RBFOX1: variants seen among roughly 807,000 people sequenced by gnomAD.
RBFOX1 encodes the protein RNA binding fox-1 homolog 1.
A neutral mutation model predicts 57.7 loss-of-function variants in RBFOX1; 8 were observed. The ratio of observed to expected loss-of-function variants is 0.14; its 90% CI spans 0.08 to 0.25. The LOEUF (loss-of-function observed/expected upper bound fraction) is 0.25, where lower values mean the gene tolerates loss of function less well. RBFOX1 is among the 10% of genes least tolerant of loss of function. The pLI, the probability that RBFOX1 is intolerant of heterozygous loss-of-function variation, is 1.00. For missense variants in RBFOX1, 611 were observed against 548.5 expected, an observed-to-expected ratio of 1.11 and a Z score of -1.14; for synonymous variants, 326 against 222.4, an observed-to-expected ratio of 1.47 and a Z score of -4.15.
intron 3 of RBFOX1, among the ~76,000 whole-genome samples, chr16:6,989,520 A>C (rs981235273): frequency 3.3e-5 from 5 of 152,210 alleles, no homozygotes; most frequent in Admixed American, 6.5e-5. Context: ...CTGATTTATT[A>C]GTTGCCTATC....
intron 3 of RBFOX1, among the ~76,000 whole-genome samples, chr16:6,955,815 C>T (rs528926148): frequency 1.3e-5 from 2 of 152,138 alleles, no homozygotes; most frequent in East Asian, 1.9e-4. Flanking sequence ...AAGTGATTCT[C>T]CTGCCTCAGC....
chr16:7,609,803 T>TTTTGTTTGTTTG lies in RBFOX1; in HGVS notation c.676+2485_676+2496dup, dbSNP rs138776547. Among the ~76,000 whole-genome samples, 150 of 150,170 alleles carry TTTTGTTTGTTTG rather than the reference T, an allele frequency of 1.0e-3. 2 individuals are homozygous for TTTTGTTTGTTTG. Among genetic ancestry groups the TTTTGTTTGTTTG allele is most frequent in the African/African-American group, 3.6e-3 (147 of 40,570 alleles). ...TTACAACCAGTTGATACTGGTGGGG[T>TTTTGTTTGTTTG]TTTGTTTGTTTGTTTGTTTGTTTGT... On this transcript the variant is annotated intron_variant, in intron 10 of 15. Coordinates refer to ENST00000550418, the MANE Select transcript of RBFOX1 (RefSeq NM_018723.4).
chr16:6,425,718 C>A (rs540649467), intron 2 of RBFOX1, among the ~76,000 whole-genome samples: 1 of 152,128 alleles, frequency 6.6e-6, no homozygotes, highest in Admixed American at 6.5e-5. Context: ...AATTCATACA[C>A]ACACACACAC....
chr16:7,396,201 C>G (rs915630466), intron 4 of RBFOX1, among the ~76,000 whole-genome samples: 2 of 152,116 alleles, frequency 1.3e-5, no homozygotes, highest in South Asian at 4.1e-4. Flanking sequence ...TAGCAACCCT[C>G]TGCTGTGTCT....
intron 3 of RBFOX1, among the ~76,000 whole-genome samples, chr16:7,007,877 C>A (rs1231305089): frequency 6.6e-6 from 1 of 152,194 alleles, no homozygotes; most frequent in South Asian, 2.1e-4. Flanking sequence ...TCAACATGGA[C>A]TTGTAAGAAC....
chr16:5,971,172 GA>G (rs2059954452), intron 4 of RBFOX1, among the ~76,000 whole-genome samples: 1 of 152,224 alleles, frequency 6.6e-6, no homozygotes, highest in African/African-American at 2.4e-5. Flanking sequence ...TGGCTCTGGG[GA>G]TAGAGCAGTG....
At chr16:6,904,239 G>T (rs1041506474) in intron 3 of RBFOX1, among the ~76,000 whole-genome samples, 3 of 152,032 alleles carry the variant, frequency 2.0e-5, no homozygotes, top group African/African-American at 4.8e-5. Flanking sequence ...GTTCTAAACT[G>T]TCATTTGCAG....
chr16:5,270,733 T>C (rs1406223962), intron 1 of RBFOX1: 3 of 486,050 alleles, frequency 6.2e-6, no homozygotes, highest in African/African-American at 2.0e-5. Flanking sequence ...GGTCAATAAA[T>C]TGATACCAGA....
intron 3 of RBFOX1, among the ~76,000 whole-genome samples, chr16:5,656,938 G>A (rs1251806141): frequency 2.0e-5 from 3 of 152,114 alleles, no homozygotes; most frequent in African/African-American, 7.2e-5. Flanking sequence ...GTCAGGGGGT[G>A]GGGAGCAAGG....
At chr16:6,369,612 C>A (rs528213666) in intron 2 of RBFOX1, among the ~76,000 whole-genome samples, 1 of 152,282 alleles carries the variant, frequency 6.6e-6, no homozygotes, top group East Asian at 1.9e-4. Flanking sequence ...CTTGTTACTA[C>A]CATGTTCCCC....
At chr16:5,883,880 A>G (rs191170393) in intron 4 of RBFOX1, among the ~76,000 whole-genome samples, 2 of 152,334 alleles carry the variant, frequency 1.3e-5, no homozygotes, top group East Asian at 3.9e-4. Context: ...AGAAGGTAGG[A>G]ACCCTGATAT....
At chr16:7,174,945 G>T (rs915841463) in intron 4 of RBFOX1, among the ~76,000 whole-genome samples, 1 of 152,162 alleles carries the variant, frequency 6.6e-6, no homozygotes, top group Non-Finnish European at 1.5e-5. Context: ...ATTCTAGTGG[G>T]TATGTGGTGA....
At chr16:7,490,762 T>A (rs2066723206) in intron 4 of RBFOX1, among the ~76,000 whole-genome samples, 1 of 152,170 alleles carries the variant, frequency 6.6e-6, no homozygotes, top group African/African-American at 2.4e-5. Context: ...CTTCTAGTCT[T>A]GGTGAAACAA....
At chr16:6,435,473 A>G (rs891744673) in intron 2 of RBFOX1, among the ~76,000 whole-genome samples, 1 of 151,460 alleles carries the variant, frequency 6.6e-6, no homozygotes, top group Non-Finnish European at 1.5e-5. Context: ...TAATTTTTGT[A>G]TTTCTTTTTC....
At chr16:5,606,338 A>G (rs991066386) in intron 3 of RBFOX1, among the ~76,000 whole-genome samples, 3 of 151,880 alleles carry the variant, frequency 2.0e-5, no homozygotes, top group African/African-American at 7.3e-5. Flanking sequence ...AGATCTGACC[A>G]TCCAAATTCC....
chr16:7,537,787 C>T (rs572353063), intron 5 of RBFOX1, among the ~76,000 whole-genome samples: 162 of 152,292 alleles, frequency 1.1e-3, no homozygotes, highest in South Asian at 1.9e-3. Flanking sequence ...CACCCCAGTG[C>T]AGATTTCAGT....
chr16:6,006,743 A>G (rs1447518488), intron 4 of RBFOX1, among the ~76,000 whole-genome samples: 1 of 152,214 alleles, frequency 6.6e-6, no homozygotes, highest in Non-Finnish European at 1.5e-5. Flanking sequence ...GTGGGTTTTC[A>G]TAATACCAGC....
At chr16:6,575,729 C>T (rs995943185) in intron 2 of RBFOX1, among the ~76,000 whole-genome samples, 7 of 151,568 alleles carry the variant, frequency 4.6e-5, no homozygotes, top group South Asian at 4.2e-4. Context: ...TGGTAGCAGA[C>T]GCCTGTAATC....
intron 2 of RBFOX1, chr16:5,467,403 A>T: frequency 1.4e-6 from 1 of 697,674 alleles, no homozygotes; most frequent in East Asian, 2.9e-5. Context: ...CCTTAGCAAG[A>T]AGGTCACTAC....
Sources: gnomAD v4.1 joint callset for allele counts (sites outside exome capture counted in the v4.1 genomes callset) on GRCh38, gnomAD v4.1.1 for gene constraint, MANE v1.5 for transcripts, NCBI Gene and HGNC (gene_info 2026-07-23, HGNC 2026-07-21) for gene names.